RAB27B: variants seen among roughly 807,000 people sequenced by gnomAD.
RAB27B encodes the protein RAB27B, member RAS oncogene family, also known as ras-related protein Rab-27B.
RAB27B carries 15 observed loss-of-function variants against 24.6 expected under a neutral mutation model. That is an observed-to-expected ratio of 0.61 (90% CI 0.41 to 0.94). RAB27B has a LOEUF of 0.94. RAB27B is among the 40% of genes least tolerant of loss of function. The pLI, the probability that RAB27B is intolerant of heterozygous loss-of-function variation, is 0.00. For missense variants in RAB27B, 261 were observed against 266.8 expected, an observed-to-expected ratio of 0.98 and a Z score of 0.15; for synonymous variants, 105 against 92.5, an observed-to-expected ratio of 1.14 and a Z score of -0.78.
chr18:54,863,482 A>G (rs1321104048), intron 1 of RAB27B, among the ~76,000 whole-genome samples: 2 of 152,194 alleles, frequency 1.3e-5, no homozygotes, highest in Non-Finnish European at 2.9e-5. Context: ...TAATATTCTT[A>G]TCTTGTTGGG....
chr18:54,755,910 C>T (rs1907991062), intron 2 of RAB27B, among the ~76,000 whole-genome samples: 2 of 152,110 alleles, frequency 1.3e-5, no homozygotes, highest in Admixed American at 1.3e-4. Flanking sequence ...ACCAGCGCCA[C>T]CAAAATCTGT....
intron 2 of RAB27B, among the ~76,000 whole-genome samples, chr18:54,778,092 C>T (rs1475683309): frequency 6.6e-6 from 1 of 152,202 alleles, no homozygotes; most frequent in Non-Finnish European, 1.5e-5. Context: ...AAATCTTCAG[C>T]CTAATGTTGA....
intron 2 of RAB27B, among the ~76,000 whole-genome samples, chr18:54,782,063 A>G (rs1256212714): frequency 6.6e-6 from 1 of 152,252 alleles, no homozygotes; most frequent in Non-Finnish European, 1.5e-5. Context: ...GGTTTTAGAA[A>G]GTTAATGAGA....
chr18:54,815,010 A>T (rs1965661), intron 2 of RAB27B, among the ~76,000 whole-genome samples: 145,038 of 152,208 alleles, frequency 0.95, 69,533 homozygotes, highest in East Asian at 1. Context: ...AGAAGTCTTT[A>T]CAGGCATTTT....
In RAB27B at chr18:54,850,291, A is replaced by G. The variant is rs188549133; in HGVS notation, c.-20+21591A>G. Among the ~76,000 whole-genome samples, 155 of 146,064 alleles carry G rather than the reference A, an allele frequency of 1.1e-3. 2 individuals carry two copies. Among genetic ancestry groups the G allele is most frequent in the African/African-American group, 3.6e-3 (139 of 39,092 alleles). ...TTCCTGGAACACAAGCATTACACAA[A>G]GTGAAGTATACCTGTATATTTATTT... On this transcript the variant is annotated intron_variant, in intron 1 of 5. Coordinates refer to ENST00000262094, the MANE Select transcript of RAB27B (RefSeq NM_004163.4).
chr18:54,865,406 A>G (rs983542076), intron 1 of RAB27B, among the ~76,000 whole-genome samples: 2 of 152,156 alleles, frequency 1.3e-5, no homozygotes, highest in African/African-American at 4.8e-5. Flanking sequence ...GAAATTCTAT[A>G]CCATAATGTT....
At chr18:54,786,891 C>T (rs1909103656) in intron 2 of RAB27B, among the ~76,000 whole-genome samples, 1 of 152,166 alleles carries the variant, frequency 6.6e-6, no homozygotes, top group Non-Finnish European at 1.5e-5. Flanking sequence ...GTGTTTGCCT[C>T]CTGAATAAGA....
Position 54,854,577 on chromosome 18 carries a change from G to A in RAB27B, c.-19-22990G>A, listed in dbSNP as rs547957495. Among the ~76,000 whole-genome samples the A allele has an allele frequency of 3.3e-5, 5 of 152,204 alleles. No individual in the cohort carries two copies. In the South Asian group the frequency reaches 1.0e-3, roughly 32 times the overall value. ...GTAGAGATTAAAAAAATAATTAAGT[G>A]TGAAATTTCCTAACCCACCATTTAG... On this transcript the variant is annotated intron_variant, in intron 1 of 5. Coordinates refer to ENST00000262094, the MANE Select transcript of RAB27B (RefSeq NM_004163.4).
chr18:54,725,153 C>T (rs973070429), intron 2 of RAB27B, among the ~76,000 whole-genome samples: 2 of 151,190 alleles, frequency 1.3e-5, no homozygotes, highest in African/African-American at 4.9e-5. Flanking sequence ...TAAAGGGTGC[C>T]ACTTATGACT....
intron 1 of RAB27B, among the ~76,000 whole-genome samples, chr18:54,857,001 TCTTC>T (rs1419972723): frequency 6.6e-6 from 1 of 152,238 alleles, no homozygotes; most frequent in Admixed American, 6.5e-5. Context: ...ATTTCCATTT[TCTTC>T]CTTCATTTTC....
In RAB27B at chr18:54,729,371, C is replaced by T. The variant is rs557192982; in HGVS notation, c.-20+11230C>T. 3.3e-5 allele frequency among the ~76,000 whole-genome samples: 5 copies of T among 151,958 alleles called. 1 individual carries two copies. In the South Asian group the frequency reaches 6.2e-4, roughly 19 times the overall value. On this transcript the variant is annotated intron_variant, in intron 2 of 4. Transcript: ENST00000586570. ...GACCAAGAGCTTTCCTGAAAAAGGC[C>T]GGAAGGAAGATACTAAGCACACTTA...
At position 54,851,447 on chromosome 18, in the gene RAB27B, G is replaced by A. The variant is rs142620195; in HGVS notation, c.-20+22747G>A. ...CTTATGCATATAAAAACATTTAGGC[G>A]CAAATATAATTCTTTTCCCTTTTTT... On this transcript the variant is annotated intron_variant, in intron 1 of 5. Coordinates refer to ENST00000262094, the MANE Select transcript of RAB27B (RefSeq NM_004163.4). Among the ~76,000 whole-genome samples the A allele has an allele frequency of 2.1e-3, 314 of 152,172 alleles. 1 individual carries two copies. Among genetic ancestry groups the A allele is most frequent in the Middle Eastern group, 0.014 (4 of 294 alleles).
chr18:54,751,884 A>G (rs1258587481), intron 2 of RAB27B, among the ~76,000 whole-genome samples: 2 of 152,180 alleles, frequency 1.3e-5, no homozygotes, highest in Non-Finnish European at 2.9e-5. Context: ...GAAAATACTG[A>G]GCCAGTTCCT....
At chr18:54,835,344 G>C (rs931746659) in intron 1 of RAB27B, among the ~76,000 whole-genome samples, 3 of 151,892 alleles carry the variant, frequency 2.0e-5, no homozygotes, top group Non-Finnish European at 4.4e-5. Context: ...AATGCAACCT[G>C]TTTGCAAATT....
intron 1 of RAB27B, among the ~76,000 whole-genome samples, chr18:54,867,442 C>CTTTTCTTTTTTTTTTT (rs1555666326): frequency 1.0e-3 from 101 of 98,758 alleles, no homozygotes; most frequent in Non-Finnish European, 1.4e-3. Context: ...CTTTTCTTTT[C>CTTTTCTTTTTTTTTTT]TTTTTTTTTT....
At chr18:54,814,171 C>G (rs12966541) in intron 2 of RAB27B, among the ~76,000 whole-genome samples, 34,702 of 152,104 alleles carry the variant, frequency 0.23, 4,222 homozygotes, top group East Asian at 0.4. Flanking sequence ...TTAGGGACAG[C>G]AAACTCTCTC....
chr18:54,762,967 TAAAG>T (rs1450371029), intron 2 of RAB27B, among the ~76,000 whole-genome samples: 5 of 152,210 alleles, frequency 3.3e-5, no homozygotes, highest in South Asian at 4.1e-4. Flanking sequence ...ATGTGTAAAT[TAAAG>T]AAATTTATTT....
chr18:54,887,231 A>T (rs1913181669), intron 4 of RAB27B, among the ~76,000 whole-genome samples: 1 of 151,956 alleles, frequency 6.6e-6, no homozygotes, highest in Non-Finnish European at 1.5e-5. Context: ...GAGAAAGGAA[A>T]GGTAACAACT....
At chr18:54,870,802 G>A (rs923545974) in intron 1 of RAB27B, among the ~76,000 whole-genome samples, 13 of 152,226 alleles carry the variant, frequency 8.5e-5, no homozygotes, top group Non-Finnish European at 1.9e-4. Flanking sequence ...CTACAGATAT[G>A]TATTGAATTA....
Sources: allele counts gnomAD v4.1 joint callset (sites outside exome capture counted in the v4.1 genomes callset), GRCh38; gene constraint gnomAD v4.1.1; transcripts MANE v1.5; gene names NCBI Gene and HGNC (gene_info 2026-07-23, HGNC 2026-07-21).